The following MEI4 variants were observed in gnomAD, a reference collection of about 807,000 sequenced individuals.
MEI4 encodes meiosis-specific protein MEI4.
In MEI4, 27 loss-of-function variants were observed where a neutral mutation model predicts 31.4. That is an observed-to-expected ratio of 0.86 (90% CI 0.63 to 1.19). The LOEUF (loss-of-function observed/expected upper bound fraction) is 1.19. MEI4 is among the 50% of genes most tolerant of loss of function. The probability of loss-of-function intolerance (pLI) is 0.00; values close to 1 mark genes in which losing one functional copy is unlikely to be tolerated. For synonymous variants in MEI4, 122 were observed against 145.4 expected (o/e 0.84, Z 1.16); for missense variants, 329 against 398.9 (o/e 0.82, Z 1.49).
At position 77,796,075 on chromosome 6, in the gene MEI4, CAG is replaced by C. The variant is rs755211502; in HGVS notation, c.769-32855_769-32854del. Among the ~76,000 whole-genome samples, 3 of 152,138 alleles carry C rather than the reference CAG, an allele frequency of 2.0e-5. No individual in the cohort carries two copies. The East Asian group carries it at 5.8e-4, about 29-fold the overall frequency. ...TTCTATGATAGGGTAGGATTTATCA[CAG>C]GGGTGAAAGTATGATTTCATTATAA... On this transcript the variant is annotated intron_variant, in intron 3 of 4. Coordinates refer to ENST00000684080, the MANE Select transcript of MEI4 (RefSeq NM_001322247.2).
At chr6:77,798,622 C>T (rs1424364423) in intron 3 of MEI4, among the ~76,000 whole-genome samples, 1 of 148,408 alleles carries the variant, frequency 6.7e-6, no homozygotes, top group Non-Finnish European at 1.5e-5. Context: ...AGGTATATCT[C>T]CTAAAGCTAT....
rs142131119 is a variant in MEI4, at chr6:77,833,747, G to A, written c.900+4685G>A. Among the ~76,000 whole-genome samples, 223 of 152,102 alleles carry A rather than the reference G, an allele frequency of 1.5e-3. 1 individual carries two copies. Among genetic ancestry groups the A allele is most frequent in the African/African-American group, 4.6e-3 (190 of 41,482 alleles). On this transcript the variant is annotated intron_variant, in intron 4 of 4. Transcript: ENST00000684080. The stretch of plus-strand genomic sequence containing the variant: ...ACCCGTCATCTAGGTTTTAAGCCCC[G>A]CATGCATTAGGTATTTGTCTAATGC...
At chr6:77,902,856 C>A (rs994564101) in intron 4 of MEI4, among the ~76,000 whole-genome samples, 15 of 152,066 alleles carry the variant, frequency 9.9e-5, no homozygotes, top group African/African-American at 3.4e-4. Context: ...TGTCTCATGT[C>A]TCCCTAGAAT....
chr6:77,911,765 C>T (rs868356430), intron 4 of MEI4, among the ~76,000 whole-genome samples: 2 of 148,944 alleles, frequency 1.3e-5, no homozygotes, highest in East Asian at 3.9e-4. Context: ...TCTTCTTTAT[C>T]CAGTCCACTG....
At chr6:77,746,312 C>G (rs1450056520) in intron 2 of MEI4, among the ~76,000 whole-genome samples, 2 of 152,120 alleles carry the variant, frequency 1.3e-5, no homozygotes, top group Non-Finnish European at 2.9e-5. Flanking sequence ...ATTATTTGAA[C>G]TGGTAGGCTG....
intron 2 of MEI4, among the ~76,000 whole-genome samples, chr6:77,733,161 T>A (rs1767063417): frequency 6.6e-6 from 1 of 151,914 alleles, no homozygotes; most frequent in African/African-American, 2.4e-5. Context: ...TAGGGAGGAT[T>A]CCCTCTTTTT....
chr6:77,673,574 G>A (rs1271345036), intron 1 of MEI4, among the ~76,000 whole-genome samples: 1 of 152,128 alleles, frequency 6.6e-6, no homozygotes, highest in Non-Finnish European at 1.5e-5. Context: ...GGTGTTGGTG[G>A]AGGAGTGAAG....
At chr6:77,772,279 C>T (rs542050815) in intron 3 of MEI4, among the ~76,000 whole-genome samples, 5 of 148,772 alleles carry the variant, frequency 3.4e-5, no homozygotes, top group East Asian at 2.0e-4. Flanking sequence ...AAGAAAACTA[C>T]AGGCCAGTAT....
intron 4 of MEI4, among the ~76,000 whole-genome samples, chr6:77,920,199 A>G (rs1270959813): frequency 2.0e-5 from 3 of 151,952 alleles, no homozygotes; most frequent in Middle Eastern, 3.4e-3. Context: ...ACCACCAAAA[A>G]AGAGAATTTT....
intron 4 of MEI4, among the ~76,000 whole-genome samples, chr6:77,875,526 G>A (rs541750713): frequency 6.6e-6 from 1 of 152,278 alleles, no homozygotes; most frequent in Non-Finnish European, 1.5e-5. Flanking sequence ...CTGAAACCTT[G>A]AAATGGATAT....
chr6:77,829,341 C>T (rs1267711790), intron 4 of MEI4, among the ~76,000 whole-genome samples: 6 of 152,134 alleles, frequency 3.9e-5, no homozygotes, highest in Non-Finnish European at 8.8e-5. Context: ...AGCTTTAAAT[C>T]CCTCCAGGCA....
intron 2 of MEI4, among the ~76,000 whole-genome samples, chr6:77,739,162 A>G (rs918328828): frequency 7.9e-5 from 12 of 152,082 alleles, no homozygotes; most frequent in African/African-American, 2.4e-4. Context: ...GCCCATGCCT[A>G]TATCCTGAAT....
chr6:77,821,566 C>G (rs1312972296), intron 3 of MEI4, among the ~76,000 whole-genome samples: 1 of 151,974 alleles, frequency 6.6e-6, no homozygotes, highest in African/African-American at 2.4e-5. Flanking sequence ...GAGGCCGAGA[C>G]AGGTGGATCA....
chr6:77,742,852 TC>T (rs1182525180), intron 2 of MEI4, among the ~76,000 whole-genome samples: 24 of 152,184 alleles, frequency 1.6e-4, no homozygotes, highest in African/African-American at 4.6e-4. Context: ...TAGCCAGTTT[TC>T]CCAGCACCAT....
chr6:77,731,854 C>G (rs1423422825), intron 2 of MEI4, among the ~76,000 whole-genome samples: 1 of 151,982 alleles, frequency 6.6e-6, no homozygotes, highest in Admixed American at 6.6e-5. Flanking sequence ...TATGGCTAGC[C>G]AGTTTTCCAG....
chr6:77,696,936 A>G lies in MEI4; in HGVS notation c.232+6033A>G, dbSNP rs562289016. Among the ~76,000 whole-genome samples, 18 of 152,278 alleles carry G rather than the reference A, an allele frequency of 1.2e-4. No homozygotes were observed. In the East Asian group the frequency reaches 3.3e-3, roughly 28 times the overall value. ...TGGTAAGCTATTGATTATTGCCACA[A>G]TTTCAGAGCCTGTTATTGGTCTATT... On this transcript the variant is annotated intron_variant, in intron 2 of 4. Coordinates refer to ENST00000684080, the MANE Select transcript of MEI4 (RefSeq NM_001322247.2).
chr6:77,843,544 A>G (rs1379757623), intron 4 of MEI4, among the ~76,000 whole-genome samples: 1 of 152,028 alleles, frequency 6.6e-6, no homozygotes, highest in Non-Finnish European at 1.5e-5. Context: ...TAAAAAAAAA[A>G]AAACTATTAC....
intron 3 of MEI4, among the ~76,000 whole-genome samples, chr6:77,792,354 CG>C (rs1768959611): frequency 6.6e-6 from 1 of 151,988 alleles, no homozygotes; most frequent in Non-Finnish European, 1.5e-5. Flanking sequence ...TGTAGTTTTT[CG>C]GGGGAACTTT....
chr6:77,794,391 G>A (rs1227276430), intron 3 of MEI4, among the ~76,000 whole-genome samples: 3 of 152,166 alleles, frequency 2.0e-5, no homozygotes, highest in Non-Finnish European at 2.9e-5. Flanking sequence ...GTGAAATCCC[G>A]TCTCTACTAA....
Sources: allele counts gnomAD v4.1 joint callset (sites outside exome capture counted in the v4.1 genomes callset), GRCh38; gene constraint gnomAD v4.1.1; transcripts MANE v1.5; gene names NCBI Gene and HGNC (gene_info 2026-07-23, HGNC 2026-07-21).